Variants in SKIC3 observed in about 807,000 individuals in gnomAD.
SKIC3 encodes the protein superkiller complex protein 3.
chr5:95,490,452 T>C, the SKIC3 span, among the ~76,000 whole-genome samples: 1 of 147,668 alleles, frequency 6.8e-6, no homozygotes, highest in Non-Finnish European at 1.5e-5. Context: ...TGTATATATA[T>C]ATTTAAATAA....
chr5:95,515,407 A>T, the SKIC3 span, among the ~76,000 whole-genome samples: 1 of 152,178 alleles, frequency 6.6e-6, no homozygotes, highest in African/African-American at 2.4e-5. Flanking sequence ...CTTCAAAAAT[A>T]TCTAATTTGG....
the SKIC3 span, among the ~76,000 whole-genome samples, chr5:95,511,362 G>A: frequency 2.0e-5 from 3 of 152,162 alleles, no homozygotes; most frequent in Non-Finnish European, 2.9e-5. Context: ...GCAGTGAGCC[G>A]AGATTGCGCC....
the SKIC3 span, among the ~76,000 whole-genome samples, chr5:95,518,245 G>A: frequency 2.7e-4 from 41 of 151,996 alleles, no homozygotes; most frequent in Admixed American, 2.7e-3. Flanking sequence ...TACATATAAT[G>A]TATTGTGATC....
the SKIC3 span, among the ~76,000 whole-genome samples, chr5:95,539,411 C>G: frequency 6.6e-6 from 1 of 152,116 alleles, no homozygotes; most frequent in Non-Finnish European, 1.5e-5. Flanking sequence ...CCACCTTACT[C>G]CTGCAAGAAT....
chr5:95,542,910 T>C, the SKIC3 span, among the ~76,000 whole-genome samples: 4 of 152,226 alleles, frequency 2.6e-5, no homozygotes, highest in Non-Finnish European at 5.9e-5. Flanking sequence ...GAGAAGTCTT[T>C]TATATGCACA....
At chr5:95,467,920 T>A in the SKIC3 span, 1 of 1,613,694 alleles carries the variant, frequency 6.2e-7, no homozygotes, top group Non-Finnish European at 8.5e-7. Flanking sequence ...GGTACCAACG[T>A]GCAGTTGATG....
At chr5:95,492,757 T>C in the SKIC3 span, among the ~76,000 whole-genome samples, 2 of 137,870 alleles carry the variant, frequency 1.5e-5, no homozygotes, top group Admixed American at 1.5e-4. Context: ...CCAACTGAAG[T>C]AGACTCAATC....
chr5:95,528,185 G>A, the SKIC3 span: 1 of 1,613,002 alleles, frequency 6.2e-7, no homozygotes, highest in Admixed American at 1.7e-5. Flanking sequence ...AATGAAGACA[G>A]CCATATCACT....
the SKIC3 span, chr5:95,495,026 G>T: frequency 1.2e-6 from 2 of 1,613,060 alleles, no homozygotes; most frequent in South Asian, 1.1e-5. Flanking sequence ...CCCTAGAACA[G>T]AAAATATTGA....
chr5:95,492,828 T>G, the SKIC3 span, among the ~76,000 whole-genome samples: 2 of 151,974 alleles, frequency 1.3e-5, no homozygotes, highest in Non-Finnish European at 2.9e-5. Flanking sequence ...CTTACAGTAT[T>G]GTATAGTTTG....
the SKIC3 span, among the ~76,000 whole-genome samples, chr5:95,550,414 A>G: frequency 6.6e-6 from 1 of 151,650 alleles, no homozygotes. Context: ...AAAAAAAACG[A>G]TATCTTTAAA....
the SKIC3 span, among the ~76,000 whole-genome samples, chr5:95,482,998 T>C: frequency 6.6e-6 from 1 of 152,164 alleles, no homozygotes; most frequent in Admixed American, 6.5e-5. Context: ...CATACTGGAA[T>C]AAACTATACT....
chr5:95,540,713 G>T, the SKIC3 span: 3 of 1,613,826 alleles, frequency 1.9e-6, no homozygotes, highest in Non-Finnish European at 2.5e-6. Context: ...TCATTATTCT[G>T]GTCCTCTGTA....
At chr5:95,541,887 T>C in the SKIC3 span, 1 of 1,612,426 alleles carries the variant, frequency 6.2e-7, no homozygotes, top group Non-Finnish European at 8.5e-7. Context: ...ATTATATTTC[T>C]CATACAAGTT....
chr5:95,510,081 C>T, the SKIC3 span, among the ~76,000 whole-genome samples: 3 of 151,734 alleles, frequency 2.0e-5, no homozygotes, highest in African/African-American at 4.8e-5. Context: ...CCAACATGTA[C>T]GTATTTAAAA....
the SKIC3 span, among the ~76,000 whole-genome samples, chr5:95,541,580 A>G: frequency 6.6e-6 from 1 of 152,170 alleles, no homozygotes; most frequent in South Asian, 2.1e-4. Flanking sequence ...TTTAAGAAAT[A>G]TTATCTTCTA....
chr5:95,518,417 C>A, the SKIC3 span, among the ~76,000 whole-genome samples: 2 of 151,994 alleles, frequency 1.3e-5, no homozygotes, highest in Non-Finnish European at 2.9e-5. Flanking sequence ...TCCTATCTAG[C>A]GTAATTTTGT....
the SKIC3 span, among the ~76,000 whole-genome samples, chr5:95,544,334 AGTCTAGTTTTACCTACCATC>A: frequency 6.6e-6 from 1 of 152,188 alleles, no homozygotes; most frequent in East Asian, 1.9e-4. Context: ...CATGACTCTA[AGTCTAGTTTTACCTACCATC>A]GTCACTCACC....
At chr5:95,481,351 G>GCT in the SKIC3 span, among the ~76,000 whole-genome samples, 1 of 151,938 alleles carries the variant, frequency 6.6e-6, no homozygotes, top group Non-Finnish European at 1.5e-5. Context: ...CCCTGCACAA[G>GCT]CTCTCTCTCT....
Sources: gnomAD v4.1 joint callset for allele counts (sites outside exome capture counted in the v4.1 genomes callset) on GRCh38, gnomAD v4.1.1 for gene constraint, MANE v1.5 for transcripts, NCBI Gene and HGNC (gene_info 2026-07-23, HGNC 2026-07-21) for gene names.